TCF7L2: variants seen among roughly 807,000 people sequenced by gnomAD.
TCF7L2 encodes transcription factor 7 like 2, also known as transcription factor 7-like 2.
In TCF7L2, 23 loss-of-function variants were observed where a neutral mutation model predicts 77.9. That is an observed-to-expected ratio of 0.30 (90% confidence interval 0.21 to 0.42). The LOEUF (loss-of-function observed/expected upper bound fraction) is 0.42. Among genes scored for constraint, TCF7L2 ranks in the 10% least tolerant of loss-of-function variants. The pLI is 1.00. For missense variants in TCF7L2, 654 were observed against 793.1 expected (o/e 0.82, Z 2.11); for synonymous variants, 413 against 340.2 (o/e 1.21, Z -2.36).
chr10:113,010,840 C>A (rs1440757241), intron 4 of TCF7L2, among the ~76,000 whole-genome samples: 1 of 152,102 alleles, frequency 6.6e-6, no homozygotes, highest in African/African-American at 2.4e-5. Context: ...AGGGTGAAAC[C>A]CCATCTCGAC....
At chr10:113,017,893 A>G (rs1338950487) in intron 4 of TCF7L2, among the ~76,000 whole-genome samples, 1 of 152,228 alleles carries the variant, frequency 6.6e-6, no homozygotes, top group Non-Finnish European at 1.5e-5. Flanking sequence ...GCTGAGATCC[A>G]GAGCGGGCAG....
chr10:112,999,402 G>A (rs1296545286), intron 4 of TCF7L2, among the ~76,000 whole-genome samples: 3 of 152,212 alleles, frequency 2.0e-5, no homozygotes, highest in Non-Finnish European at 4.4e-5. Context: ...TGTCTTTGTG[G>A]GGAGGTTTAC....
At chr10:113,140,412 T>G (rs1469262744) in intron 5 of TCF7L2, among the ~76,000 whole-genome samples, 3 of 152,206 alleles carry the variant, frequency 2.0e-5, no homozygotes, top group Non-Finnish European at 4.4e-5. Context: ...TACTTTGTTT[T>G]TTAGAACTGC....
At chr10:113,097,654 A>AAAAAAAAACAAAAAAAAAAAAAC (rs2061167937) in intron 5 of TCF7L2, among the ~76,000 whole-genome samples, 1 of 129,152 alleles carries the variant, frequency 7.7e-6, no homozygotes, top group African/African-American at 3.0e-5. Flanking sequence ...CGGAAAAAAA[A>AAAAAAAAACAAAAAAAAAAAAAC]AAAAAAAAAA....
chr10:113,097,646 GAA>G (rs869133669), intron 5 of TCF7L2, among the ~76,000 whole-genome samples: 2,955 of 36,676 alleles, frequency 0.081, 72 homozygotes, highest in Non-Finnish European at 0.11. Flanking sequence ...TCTTGTCTCG[GAA>G]AAAAAAAAAA....
chr10:113,096,755 A>C (rs1349019311), intron 5 of TCF7L2, among the ~76,000 whole-genome samples: 1 of 152,138 alleles, frequency 6.6e-6, no homozygotes. Flanking sequence ...CAGGGAGAAA[A>C]GCTCTTGGCT....
chr10:113,049,056 A>G (rs567910141), intron 5 of TCF7L2, among the ~76,000 whole-genome samples: 2 of 152,216 alleles, frequency 1.3e-5, no homozygotes, highest in South Asian at 4.2e-4. Context: ...TCTGGCTTGG[A>G]AAGTGTATTG....
At chr10:113,084,595 C>T (rs1279806136) in intron 5 of TCF7L2, among the ~76,000 whole-genome samples, 1 of 152,084 alleles carries the variant, frequency 6.6e-6, no homozygotes, top group African/African-American at 2.4e-5. Context: ...GTGACTTAGT[C>T]AAACTGACAC....
rs1555084700 is a variant in TCF7L2 at position 113,118,551 on chromosome 10, G to GTGTT, written c.553-22628_553-22625dup. ...TGTGTGTGTGTGTGTGTGTGTGTGT[G>GTGTT]TGTTTGTTCACCTACACATTTGCCT... On this transcript the variant is annotated intron_variant, in intron 5 of 13. Transcript: ENST00000627217. 1.9e-3 allele frequency among the ~76,000 whole-genome samples: 290 copies of GTGTT among 150,360 alleles called. 1 individual carries two copies. Among genetic ancestry groups the GTGTT allele is most frequent in the African/African-American group, 6.2e-3 (256 of 41,234 alleles).
intron 5 of TCF7L2, among the ~76,000 whole-genome samples, chr10:113,074,010 A>C (rs1187865986): frequency 6.6e-6 from 1 of 151,570 alleles, no homozygotes; most frequent in Non-Finnish European, 1.5e-5. Flanking sequence ...GCTGCTGTTG[A>C]CTCTGGTGTC....
chr10:113,031,692 T>A (rs1012103081), intron 4 of TCF7L2, among the ~76,000 whole-genome samples: 1 of 152,148 alleles, frequency 6.6e-6, no homozygotes, highest in Non-Finnish European at 1.5e-5. Flanking sequence ...CTCACCATGT[T>A]GGCCAGGCTG....
chr10:113,100,481 A>AT (rs377764189), intron 5 of TCF7L2, among the ~76,000 whole-genome samples: 161 of 147,466 alleles, frequency 1.1e-3, no homozygotes, highest in Non-Finnish European at 1.3e-3. Context: ...GAGAAGGTGT[A>AT]TTTTTTTTTT....
At chr10:113,136,611 A>T (rs2067442163) in intron 5 of TCF7L2, among the ~76,000 whole-genome samples, 1 of 152,176 alleles carries the variant, frequency 6.6e-6, no homozygotes, top group Non-Finnish European at 1.5e-5. Context: ...ATTTAGGTGA[A>T]ATAGTTCCCG....
intron 4 of TCF7L2, among the ~76,000 whole-genome samples, chr10:113,033,008 A>G (rs1177299849): frequency 6.6e-6 from 1 of 152,148 alleles, no homozygotes; most frequent in African/African-American, 2.4e-5. Flanking sequence ...TTGATATCCT[A>G]CCTTTTTCCC....
intron 6 of TCF7L2, among the ~76,000 whole-genome samples, chr10:113,142,156 C>A (rs753679604): frequency 1.4e-4 from 22 of 152,214 alleles, no homozygotes; most frequent in Non-Finnish European, 2.9e-4. Flanking sequence ...AGGCATGTGC[C>A]ACCATACCCG....
chr10:113,046,915 G>C (rs1025084035), intron 5 of TCF7L2, among the ~76,000 whole-genome samples: 11 of 152,082 alleles, frequency 7.2e-5, no homozygotes, highest in African/African-American at 2.2e-4. Flanking sequence ...TGAGCTCATA[G>C]TGCTCAGTAT....
chr10:112,951,337 G>A (rs2031133394), intron 2 of TCF7L2, 64 bp downstream of exon 2: 3 of 976,628 alleles, frequency 3.1e-6, no homozygotes, highest in Non-Finnish European at 2.4e-6. Context: ...CGCCCCGCGC[G>A]CCCCGGCCCC....
At chr10:112,974,512 C>T (rs974157283) in intron 4 of TCF7L2, among the ~76,000 whole-genome samples, 5 of 152,076 alleles carry the variant, frequency 3.3e-5, no homozygotes, top group African/African-American at 1.2e-4. Flanking sequence ...GGCGCGATCT[C>T]GGCTCACTGC....
chr10:113,165,846 C>G lies in TCF7L2; in HGVS notation c.1683C>G (p.Ala561=), dbSNP rs150354863. ...ACGGGGCCCTGGACCTGCCCCCAGCCGCTTTGCAGCCTGCCGCCCCCTCCT... is the reference window on the plus strand; with the variant it reads ...ACGGGGCCCTGGACCTGCCCCCAGCGGCTTTGCAGCCTGCCGCCCCCTCCT... Residue 561 remains alanine (A), a synonymous_variant, in exon 14 of 14, where the codon GCC becomes GCG. Coordinates refer to ENST00000627217, the MANE Select transcript of TCF7L2 (RefSeq NM_001146274.2). 6.2e-7 allele frequency: 1 copy of G among 1,607,546 alleles called. No homozygotes were observed. Among genetic ancestry groups the G allele is most frequent in the South Asian group, 1.1e-5 (1 of 90,558 alleles).
Sources: gnomAD v4.1 joint callset for allele counts (sites outside exome capture counted in the v4.1 genomes callset) on GRCh38, gnomAD v4.1.1 for gene constraint, MANE v1.5 for transcripts, NCBI Gene and HGNC (gene_info 2026-07-23, HGNC 2026-07-21) for gene names.